The following GPR39 variants were observed in gnomAD, a reference collection of about 807,000 sequenced individuals.
GPR39 encodes the protein zinc sensing receptor.
Under a neutral mutation model 18.4 loss-of-function variants are expected in GPR39, and 23 were observed. That is an observed-to-expected ratio of 1.25 (90% CI 0.90 to 1.77). GPR39 has a LOEUF of 1.77. Ranked by LOEUF, GPR39 falls within the 40% of genes most tolerant of loss-of-function variation. The pLI, the probability that GPR39 is intolerant of heterozygous loss-of-function variation, is 0.00. For synonymous variants in GPR39, 280 were observed against 257.9 expected, an observed-to-expected ratio of 1.09 and a Z score of -0.82; for missense variants, 647 against 602.4, an observed-to-expected ratio of 1.07 and a Z score of -0.78.
chr2:132,419,884 G>A (rs1415520841), intron 1 of GPR39, among the ~76,000 whole-genome samples: 3 of 152,090 alleles, frequency 2.0e-5, no homozygotes, highest in Non-Finnish European at 2.9e-5. Context: ...TTGATTTATC[G>A]TTACTCTATT....
Position 132,645,266 on chromosome 2 carries a change from C to T in GPR39, c.1022C>T (p.Pro341Leu), listed in dbSNP as rs201764416. 75 of 1,614,190 alleles carry T rather than the reference C, an allele frequency of 4.6e-5. No homozygotes were observed. The highest frequency in any genetic ancestry group is 5.6e-5 in the Non-Finnish European group (66 of 1,180,036). ...TFFYLSSVIN[P>L]LLYTVSSQQF... ...TTCTACCTCAGCTCGGTCATCAACC[C>T]GCTCCTGTACACGGTGTCCTCGCAG... Residue 341 changes from proline (P) to leucine (L), a missense_variant, in exon 2 of 2, where the codon CCG (proline) becomes CTG (leucine). Around this residue, in one of 3 missense-constraint regions of GPR39, gnomAD observed 581 missense variants for 506.8 expected, o/e 1.15. Coordinates refer to ENST00000329321, the MANE Select transcript of GPR39 (RefSeq NM_001508.3).
chr2:132,632,747 G>A (rs1558865416), intron 1 of GPR39, among the ~76,000 whole-genome samples: 1 of 152,182 alleles, frequency 6.6e-6, no homozygotes. Context: ...TGCAAGTTAA[G>A]TACTCAGAAG....
intron 1 of GPR39, among the ~76,000 whole-genome samples, chr2:132,557,849 T>C (rs1224883863): frequency 6.6e-6 from 1 of 152,120 alleles, no homozygotes; most frequent in Non-Finnish European, 1.5e-5. Context: ...TCTCGTGACC[T>C]CCCCCATGCC....
intron 1 of GPR39, among the ~76,000 whole-genome samples, chr2:132,493,339 A>G (rs543889857): frequency 3.5e-5 from 5 of 144,724 alleles, no homozygotes; most frequent in Non-Finnish European, 3.1e-5. Context: ...CATATATACC[A>G]TATATATACA....
At chr2:132,543,224 T>C (rs954342840) in intron 1 of GPR39, among the ~76,000 whole-genome samples, 3 of 152,154 alleles carry the variant, frequency 2.0e-5, no homozygotes, top group African/African-American at 7.2e-5. Context: ...CCTTTCACAG[T>C]TGAATACCAG....
intron 1 of GPR39, among the ~76,000 whole-genome samples, chr2:132,633,338 CTGTG>C (rs55722602): frequency 0.099 from 13,809 of 139,074 alleles, 704 homozygotes; most frequent in East Asian, 0.23. Flanking sequence ...CCAAATACCT[CTGTG>C]TGTGTGTGTG....
intron 1 of GPR39, among the ~76,000 whole-genome samples, chr2:132,538,158 C>G (rs1220173149): frequency 1.3e-5 from 2 of 152,128 alleles, no homozygotes; most frequent in African/African-American, 2.4e-5. Flanking sequence ...TGTTTTTGCC[C>G]TGATTTTTCC....
chr2:132,503,264 A>G (rs1323726357), intron 1 of GPR39, among the ~76,000 whole-genome samples: 1 of 152,066 alleles, frequency 6.6e-6, no homozygotes, highest in East Asian at 1.9e-4. Flanking sequence ...AAGGAGTGCT[A>G]TTTTGATGTG....
chr2:132,616,890 G>A (rs183636412), intron 1 of GPR39, among the ~76,000 whole-genome samples: 76 of 152,216 alleles, frequency 5.0e-4, no homozygotes, highest in Admixed American at 5.9e-4. Context: ...TCAATGCCCC[G>A]CTCCCGCCAC....
chr2:132,538,779 A>G (rs1679806882), intron 1 of GPR39, among the ~76,000 whole-genome samples: 1 of 152,218 alleles, frequency 6.6e-6, no homozygotes, highest in African/African-American at 2.4e-5. Flanking sequence ...GGAAGAATCT[A>G]GAGAAACATT....
intron 1 of GPR39, among the ~76,000 whole-genome samples, chr2:132,488,323 A>G (rs1419897163): frequency 6.6e-6 from 1 of 152,204 alleles, no homozygotes; most frequent in Non-Finnish European, 1.5e-5. Flanking sequence ...TTCAAAAACA[A>G]CATGCCTGTC....
At chr2:132,572,612 A>G (rs1015625768) in intron 1 of GPR39, among the ~76,000 whole-genome samples, 1 of 152,100 alleles carries the variant, frequency 6.6e-6, no homozygotes, top group Admixed American at 6.6e-5. Flanking sequence ...TGAAACCAAA[A>G]CTTATAGGGG....
intron 1 of GPR39, among the ~76,000 whole-genome samples, chr2:132,516,712 G>A (rs560571098): frequency 1.3e-5 from 2 of 152,176 alleles, no homozygotes; most frequent in South Asian, 2.1e-4. Context: ...GCTTACAGCT[G>A]GAACGCTCTT....
At chr2:132,529,583 C>T (rs1679574728) in intron 1 of GPR39, among the ~76,000 whole-genome samples, 1 of 152,216 alleles carries the variant, frequency 6.6e-6, no homozygotes, top group African/African-American at 2.4e-5. Context: ...CACTGAGTAG[C>T]CTAAGTGGGA....
At chr2:132,562,140 G>A (rs944866090) in intron 1 of GPR39, among the ~76,000 whole-genome samples, 2 of 151,942 alleles carry the variant, frequency 1.3e-5, no homozygotes, top group African/African-American at 4.8e-5. Context: ...TTCTGAGGGT[G>A]AGGCCCAGGC....
At chr2:132,433,752 A>G (rs1212523591) in intron 1 of GPR39, 2 of 148,296 alleles carry the variant, frequency 1.3e-5, no homozygotes, top group African/African-American at 2.5e-5. Context: ...CATGCCTGCT[A>G]TTACTACAGC....
chr2:132,572,744 T>G (rs73957932), intron 1 of GPR39, among the ~76,000 whole-genome samples: 2,009 of 152,240 alleles, frequency 0.013, 51 homozygotes, highest in African/African-American at 0.045. Context: ...CTCTGTCAGA[T>G]AGCCACACTG....
In GPR39 at chr2:132,417,275, C is replaced by G; in HGVS notation, c.233C>G (p.Ser78Trp). Reference protein sequence around the residue: ...VTDHMVSLACSDILVFLIGMP... With the variant: ...VTDHMVSLACWDILVFLIGMP... ...GACCACATGGTGAGTTTGGCTTGCT[C>G]GGACATCTTGGTGTTCCTCATCGGC... is the stretch of plus-strand genomic sequence containing the variant. The change falls in exon 1 of 2, where the codon TCG (serine) becomes TGG (tryptophan). Residue 78 changes from serine (S) to tryptophan (W), a missense_variant. By Grantham distance (177) the Ser-to-Trp change is radical. This residue lies in a region of GPR39 where 581 missense variants were observed against 506.8 expected (regional missense o/e 1.15). Coordinates refer to ENST00000329321, the MANE Select transcript of GPR39 (RefSeq NM_001508.3). 6.2e-7 allele frequency: 1 copy of G among 1,614,124 alleles called. No individual in the cohort carries two copies. Among genetic ancestry groups the G allele is most frequent in the Non-Finnish European group, 8.5e-7 (1 of 1,180,028 alleles).
At chr2:132,514,092 G>A (rs1459054074) in intron 1 of GPR39, among the ~76,000 whole-genome samples, 1 of 152,096 alleles carries the variant, frequency 6.6e-6, no homozygotes, top group Non-Finnish European at 1.5e-5. Context: ...ACGGGGATGG[G>A]GGTTGGCCTG....
Sources: allele counts gnomAD v4.1 joint callset (sites outside exome capture counted in the v4.1 genomes callset), GRCh38; gene constraint gnomAD v4.1.1; regional missense constraint gnomAD v4.1.1; transcripts MANE v1.5; gene names NCBI Gene and HGNC (gene_info 2026-07-23, HGNC 2026-07-21).